The following PEAR1 variants were observed in gnomAD, a reference collection of about 807,000 sequenced individuals.
PEAR1 encodes platelet endothelial aggregation receptor 1.
A neutral mutation model predicts 131.2 loss-of-function variants in PEAR1; 113 were observed. That is an observed-to-expected ratio of 0.86 (90% CI 0.74 to 1.01). PEAR1 has a LOEUF of 1.01. PEAR1 is among the 50% of genes least tolerant of loss of function. The probability of loss-of-function intolerance (pLI) is 0.00; values close to 1 mark genes in which losing one functional copy is unlikely to be tolerated. For missense variants in PEAR1, 1,408 were observed against 1,391.1 expected, an observed-to-expected ratio of 1.01 and a Z score of -0.19; for synonymous variants, 565 against 523.3, an observed-to-expected ratio of 1.08 and a Z score of -1.09.
At position 156,910,024 on chromosome 1, in the gene PEAR1, G is replaced by A. The variant is rs1177999981; in HGVS notation, c.1594G>A (p.Gly532Ser). The A allele has an allele frequency of 1.9e-6, 3 of 1,613,728 alleles. No homozygotes were observed. The highest frequency in any genetic ancestry group is 1.3e-5 in the African/African-American group (1 of 74,942). The change falls in exon 13 of 23, where the codon GGT becomes AGT. Residue 532 changes from glycine (G) to serine (S), a missense_variant. Gly to Ser is a moderately conservative substitution (Grantham distance 56). Coordinates refer to ENST00000292357, the MANE Select transcript of PEAR1 (RefSeq NM_001080471.3). ...CTCCAAGAAGGGGCAGTTTGGAGAAGGTTGTGCCAGTCGCTGTGACTGTGA... is the reference window on the plus strand; with the variant it reads ...CTCCAAGAAGGGGCAGTTTGGAGAAAGTTGTGCCAGTCGCTGTGACTGTGA... ...LPCPKGQFGE[G>S]CASRCDCDHS... is the part of the protein sequence containing the mutation.
At chr1:156,901,277 T>G (rs546041497) in intron 1 of PEAR1, among the ~76,000 whole-genome samples, 6 of 151,814 alleles carry the variant, frequency 4.0e-5, no homozygotes, top group Non-Finnish European at 5.9e-5. Flanking sequence ...CAGAAGTGGG[T>G]GGGGATGAGA....
intron 5 of PEAR1, 128 bp from the exon 6 acceptor site, chr1:156,906,509 T>C: frequency 6.5e-7 from 1 of 1,540,140 alleles, no homozygotes; most frequent in Non-Finnish European, 8.8e-7. Context: ...GCCATCTGCC[T>C]TTTCTGGAGA....
Position 156,909,885 on chromosome 1 carries a change from C to T in PEAR1, c.1546C>T (p.His516Tyr). 4 of 1,609,270 alleles carry T rather than the reference C, an allele frequency of 2.5e-6. No homozygotes were observed. Among genetic ancestry groups the T allele is most frequent in the Non-Finnish European group, 3.4e-6 (4 of 1,176,484 alleles). Reference sequence around the variant, plus strand: ...AGCCTGTACCTGCACCCCTGGGTGGCATGGGGCCCACTGCCAGCTGCCCTG... The same window carrying T: ...AGCCTGTACCTGCACCCCTGGGTGGTATGGGGCCCACTGCCAGCTGCCCTG... ...TGACTCTPGW[H>Y]GAHCQLPCPK... is the part of the protein sequence containing the mutation. Residue 516 changes from histidine (H) to tyrosine (Y), a missense_variant, in exon 12 of 23, where the codon CAT becomes TAT. Transcript: ENST00000292357.
At chr1:156,912,658 C>A (rs1553270399) in intron 17 of PEAR1, 36 bp downstream of exon 17, 1 of 1,609,582 alleles carries the variant, frequency 6.2e-7, no homozygotes, top group South Asian at 1.1e-5. Context: ...ACCCATTGTC[C>A]CCAGGGAACT....
At position 156,906,310 on chromosome 1, in the gene PEAR1, T is replaced by A. The variant is rs777079436; in HGVS notation, c.342T>A (p.Cys114Ter). The change falls in exon 5 of 23, where the codon TGT (cysteine) becomes TGA (stop). Residue 114 changes from cysteine to a stop codon, truncating the protein, a stop_gained. Transcript: ENST00000292357. LOFTEE classifies it high-confidence loss of function. ...CCCAGGAGTGTGTCCATGGCCGTTG[T>A]GTGGCACCCAATCAGTGCCAATGTG... ...LCAQECVHGR[C>*]VAPNQCQCVP... 1 of 1,614,186 alleles carries A rather than the reference T, an allele frequency of 6.2e-7. No homozygotes were observed. Among genetic ancestry groups the A allele is most frequent in the South Asian group, 1.1e-5 (1 of 91,080 alleles).
intron 1 of PEAR1, among the ~76,000 whole-genome samples, chr1:156,896,609 G>T (rs1398338652): frequency 6.6e-6 from 1 of 152,246 alleles, no homozygotes; most frequent in Non-Finnish European, 1.5e-5. Flanking sequence ...CTGCTGGTGG[G>T]TGCTCATGCC....
rs1558148057 is a variant in PEAR1 at position 156,912,924 on chromosome 1, CCA to C, written c.2366_2367del (p.His789ProfsTer47). 2 of 1,614,246 alleles carry C rather than the reference CCA, an allele frequency of 1.2e-6. No homozygotes were observed. Among genetic ancestry groups the C allele is most frequent in the Non-Finnish European group, 1.7e-6 (2 of 1,180,044 alleles). ...ACTGGCAAAAAGGCAAGGAGCACCA[CCA>C]CCTGGCTGTGGCTTACAGCAGCGGG... ...RHWQKGKEHH[H>X]LAVAYSSGRL... is the part of the protein sequence containing the mutation. On this transcript the variant is annotated frameshift_variant, in exon 18 of 23. Coordinates refer to ENST00000292357, the MANE Select transcript of PEAR1 (RefSeq NM_001080471.3). LOFTEE classifies it high-confidence loss of function.
At chr1:156,911,019 C>T (rs1439411738) in intron 15 of PEAR1, among the ~76,000 whole-genome samples, 1 of 149,460 alleles carries the variant, frequency 6.7e-6, no homozygotes, top group East Asian at 2.0e-4. Context: ...TAGCTTGGGA[C>T]ATTTTCTCTT....
rs771584847 is a variant in PEAR1 at position 156,904,064 on chromosome 1, C to T, written c.101+37C>T. 5 of 1,541,250 alleles carry T rather than the reference C, an allele frequency of 3.2e-6. No individual in the cohort carries two copies. In the South Asian group the frequency reaches 4.5e-5, roughly 14 times the overall value. ...CCTGCTGCACCTTGAGGGCACCAAG[C>T]CCTAGCTCCCGATTGTCCCTATTGT... On this transcript the variant is annotated intron_variant, in intron 2 of 22. Transcript: ENST00000292357.
In PEAR1 at chr1:156,910,306, A is replaced by G; in HGVS notation, c.1751A>G (p.Asn584Ser). ...VNCSNTCTCKNGGTCLPENGN... is the reference protein window; with the variant it reads ...VNCSNTCTCKSGGTCLPENGN... ...TGTAGCAACACCTGCACCTGCAAGAATGGGGGCACCTGTCTCCCTGAGAAT... is the reference window on the plus strand; with the variant it reads ...TGTAGCAACACCTGCACCTGCAAGAGTGGGGGCACCTGTCTCCCTGAGAAT... Residue 584 changes from asparagine (N) to serine (S), a missense_variant, in exon 14 of 23, where the codon AAT becomes AGT. Transcript: ENST00000292357. 6.2e-7 allele frequency: 1 copy of G among 1,613,550 alleles called. No individual in the cohort carries two copies. Among genetic ancestry groups the G allele is most frequent in the Non-Finnish European group, 8.5e-7 (1 of 1,179,762 alleles).
At chr1:156,913,563 G>A (rs1420413685) in intron 20 of PEAR1, 40 bp downstream of exon 20, 4 of 1,608,540 alleles carry the variant, frequency 2.5e-6, no homozygotes, top group Non-Finnish European at 3.4e-6. Context: ...GCGGGTGGAT[G>A]TGTGCAGCCC....
Position 156,906,710 on chromosome 1 carries a change from C to T in PEAR1, c.474C>T (p.Pro158=). 1 of 1,614,220 alleles carries T rather than the reference C, an allele frequency of 6.2e-7. No homozygotes were observed. ...CSCGNNSSCD[P]KSGVCSCPSG... is the part of the protein sequence containing the mutation. ...GCGGCAACAACAGCTCGTGTGATCC[C>T]AAGAGTGGGGTATGTTCTTGCCCTT... is the stretch of plus-strand genomic sequence containing the variant. Residue 158 remains proline, a synonymous_variant, in exon 6 of 23, where the codon CCC becomes CCT. Coordinates refer to ENST00000292357, the MANE Select transcript of PEAR1 (RefSeq NM_001080471.3).
Position 156,905,459 on chromosome 1 carries a change from G to A in PEAR1, c.307+35G>A, listed in dbSNP as rs745956538. The A allele has an allele frequency of 5.2e-6, 8 of 1,545,176 alleles. No homozygotes were observed. The East Asian group carries it at 1.8e-4, about 35-fold the overall frequency. On this transcript the variant is annotated intron_variant, in intron 4 of 22. Transcript: ENST00000292357. ...GGGTTGGGTTAGGGAGCGGGGTGGG[G>A]CAATGGAATGCGGGGAGCTTAGCCT...
At chr1:156,904,691 T>C (rs1409703103) in intron 2 of PEAR1, 57 bp from the exon 3 acceptor site, 6 of 1,513,606 alleles carry the variant, frequency 4.0e-6, no homozygotes, top group Non-Finnish European at 4.5e-6. Context: ...ATTTTCCCGT[T>C]GTGGCCGCTC....
intron 15 of PEAR1, 21 bp from the exon 16 acceptor site, chr1:156,912,226 C>T (rs1416815350): frequency 6.3e-7 from 1 of 1,596,660 alleles, no homozygotes; most frequent in Non-Finnish European, 8.5e-7. Flanking sequence ...CCCCACCAGA[C>T]AGGCCCCATG....
chr1:156,911,140 T>TTTTC (rs770617246), intron 15 of PEAR1, among the ~76,000 whole-genome samples: 2 of 143,762 alleles, frequency 1.4e-5, no homozygotes, highest in Admixed American at 6.9e-5. Flanking sequence ...CCTTTCTTTC[T>TTTTC]TTTCTTTCTT....
rs143523123 is a variant in PEAR1, at chr1:156,912,822, G to A, written c.2262G>A (p.Ser754=). 65 of 1,614,086 alleles carry A rather than the reference G, an allele frequency of 4.0e-5. No individual in the cohort carries two copies. Among genetic ancestry groups the A allele is most frequent in the Non-Finnish European group, 4.9e-5 (58 of 1,180,052 alleles). The part of the protein sequence containing the change: ...VMPTTPVAYN[S]LGAVIGIAVL... ...CGACCACTCCAGTAGCGTATAACTC[G>A]CTGGGTGCAGTGATTGGCATTGCAG... Residue 754 remains serine, a synonymous_variant, in exon 18 of 23, where the codon TCG becomes TCA. Transcript: ENST00000292357.
At position 156,914,704 on chromosome 1, in the gene PEAR1, A is replaced by G; in HGVS notation, c.3020A>G (p.Tyr1007Cys). The G allele has an allele frequency of 1.2e-6, 2 of 1,613,836 alleles. No individual in the cohort carries two copies. Among genetic ancestry groups the G allele is most frequent in the Non-Finnish European group, 1.7e-6 (2 of 1,179,860 alleles). ...CCTCCGGGCCTACCCCCCGGCCACT[A>G]TGACTCACCCAAGAACAGCCACATC... The part of the protein sequence containing the change: ...PLPPGLPPGH[Y>C]DSPKNSHIPG... The change falls in exon 23 of 23, where the codon TAT becomes TGT. Residue 1007 changes from tyrosine (Y) to cysteine (C), a missense_variant. Coordinates refer to ENST00000292357, the MANE Select transcript of PEAR1 (RefSeq NM_001080471.3).
chr1:156,906,410 C>T, intron 5 of PEAR1, 42 bp downstream of exon 5: 1 of 1,603,092 alleles, frequency 6.2e-7, no homozygotes, highest in South Asian at 1.1e-5. Context: ...CTTGTGCCTT[C>T]AGGGCCACAG....
Sources: allele counts gnomAD v4.1 joint callset (sites outside exome capture counted in the v4.1 genomes callset), GRCh38; gene constraint gnomAD v4.1.1; transcripts MANE v1.5; gene names NCBI Gene and HGNC (gene_info 2026-07-23, HGNC 2026-07-21).